GABPB1: variants seen among roughly 807,000 people sequenced by gnomAD.
The protein encoded by GABPB1 is GA-binding protein subunit beta-1.
In GABPB1, 15 loss-of-function variants were observed where a neutral mutation model predicts 45.9. The observed-to-expected ratio is 0.33, with a 90% CI of 0.22 to 0.50. The LOEUF (loss-of-function observed/expected upper bound fraction) is 0.50. Among genes scored for constraint, GABPB1 ranks in the 20% least tolerant of loss-of-function variants. GABPB1 has a pLI of 0.98. For missense variants in GABPB1, 252 were observed against 457.5 expected, an observed-to-expected ratio of 0.55 and a Z score of 4.10; for synonymous variants, 143 against 154.4, an observed-to-expected ratio of 0.93 and a Z score of 0.55.
chr15:50,311,822 G>A (rs2047139374), intron 1 of GABPB1, among the ~76,000 whole-genome samples: 1 of 152,056 alleles, frequency 6.6e-6, no homozygotes, highest in Admixed American at 6.6e-5. Context: ...AAATCTAAAA[G>A]GGGTAATTAT....
At chr15:50,351,037 G>C (rs537525712) in intron 1 of GABPB1, 1 of 152,220 alleles carries the variant, frequency 6.6e-6, no homozygotes, top group South Asian at 2.1e-4. Flanking sequence ...TTGACACTTA[G>C]GTGTCTACCA....
intron 1 of GABPB1, among the ~76,000 whole-genome samples, chr15:50,310,525 G>A (rs956166216): frequency 6.6e-6 from 1 of 152,130 alleles, no homozygotes; most frequent in South Asian, 2.1e-4. Flanking sequence ...ACTAAACTTA[G>A]CATAAATTTT....
intron 6 of GABPB1, among the ~76,000 whole-genome samples, chr15:50,296,083 T>C (rs1414174959): frequency 2.0e-5 from 3 of 152,156 alleles, no homozygotes; most frequent in Non-Finnish European, 4.4e-5. Flanking sequence ...CTGAGTGAAA[T>C]GGCATGGTAC....
At chr15:50,333,232 G>A (rs1178030440) in intron 1 of GABPB1, among the ~76,000 whole-genome samples, 2 of 152,162 alleles carry the variant, frequency 1.3e-5, no homozygotes. Flanking sequence ...CTGTAGGACT[G>A]AGGTGGGAGA....
At chr15:50,354,506 A>G (rs1333930787) in intron 1 of GABPB1, 4 of 449,128 alleles carry the variant, frequency 8.9e-6, no homozygotes, top group South Asian at 6.3e-5. Flanking sequence ...CGGGGCCGTC[A>G]GGCTGCCGAG....
intron 8 of GABPB1, 28 bp from the exon 9 acceptor site, chr15:50,278,812 T>TG: frequency 1.9e-6 from 3 of 1,561,912 alleles, no homozygotes; most frequent in Non-Finnish European, 2.6e-6. Context: ...GTTTTTTTTT[T>TG]AATTTTTGCA....
intron 1 of GABPB1, among the ~76,000 whole-genome samples, chr15:50,314,915 G>A (rs2047263074): frequency 6.6e-6 from 1 of 152,150 alleles, no homozygotes; most frequent in Non-Finnish European, 1.5e-5. Context: ...CCAATATCAC[G>A]TATCAATCAG....
At chr15:50,278,917 C>A (rs927347732) in intron 8 of GABPB1, 133 bp from the exon 9 acceptor site, 1 of 630,922 alleles carries the variant, frequency 1.6e-6, no homozygotes. Context: ...ATTTCCTAGA[C>A]ATCTTGCCTT....
At chr15:50,336,300 G>A (rs1400831983) in intron 1 of GABPB1, among the ~76,000 whole-genome samples, 1 of 146,108 alleles carries the variant, frequency 6.8e-6, no homozygotes, top group Non-Finnish European at 1.5e-5. Context: ...GTTGCAGTAA[G>A]CCAAGATCAC....
chr15:50,282,274 A>G (rs951492945), intron 8 of GABPB1: 2 of 454,922 alleles, frequency 4.4e-6, no homozygotes, highest in African/African-American at 4.0e-5. Flanking sequence ...GAGAAGAGAT[A>G]TGACCTGGAT....
At chr15:50,279,858 G>A (rs1211902080) in intron 8 of GABPB1, among the ~76,000 whole-genome samples, 3 of 152,160 alleles carry the variant, frequency 2.0e-5, no homozygotes, top group East Asian at 1.9e-4. Context: ...GTGGTTGGCC[G>A]ACCACTGGGG....
chr15:50,340,415 T>C (rs2048308368), intron 1 of GABPB1, among the ~76,000 whole-genome samples: 1 of 152,140 alleles, frequency 6.6e-6, no homozygotes, highest in South Asian at 2.1e-4. Context: ...CAGAAATGTA[T>C]ACATTGAAAA....
At chr15:50,337,870 G>C (rs2048203205) in intron 1 of GABPB1, among the ~76,000 whole-genome samples, 1 of 152,076 alleles carries the variant, frequency 6.6e-6, no homozygotes, top group Non-Finnish European at 1.5e-5. Context: ...ACATTTATTT[G>C]CAAGTATGTG....
chr15:50,302,747 T>A (rs569374312), intron 4 of GABPB1, among the ~76,000 whole-genome samples, 182 bp downstream of exon 4: 24 of 150,408 alleles, frequency 1.6e-4, no homozygotes, highest in African/African-American at 5.4e-4. Flanking sequence ...ACTGGCCTTA[T>A]AATCAAGAAA....
intron 6 of GABPB1, among the ~76,000 whole-genome samples, chr15:50,291,250 T>A (rs1250929093): frequency 1.3e-5 from 2 of 152,160 alleles, no homozygotes; most frequent in African/African-American, 2.4e-5. Flanking sequence ...CTATAAACAT[T>A]TCTGTACATT....
intron 1 of GABPB1, among the ~76,000 whole-genome samples, chr15:50,310,443 T>C (rs556337488): frequency 1.3e-5 from 2 of 152,334 alleles, no homozygotes; most frequent in Non-Finnish European, 2.9e-5. Flanking sequence ...ACTGGAGGGT[T>C]TGCAGCAATA....
chr15:50,283,894 GTA>G (rs1336221118), intron 8 of GABPB1, among the ~76,000 whole-genome samples: 2 of 152,150 alleles, frequency 1.3e-5, no homozygotes, highest in Non-Finnish European at 2.9e-5. Context: ...ATTAGATTTT[GTA>G]TAGAGTTAAT....
intron 1 of GABPB1, among the ~76,000 whole-genome samples, chr15:50,322,914 A>G (rs932200886): frequency 6.6e-6 from 1 of 152,096 alleles, no homozygotes; most frequent in Non-Finnish European, 1.5e-5. Flanking sequence ...CTGTAGTCCC[A>G]ACTACTTCGG....
At chr15:50,353,011 T>C (rs1204909334) in intron 1 of GABPB1, 1 of 152,250 alleles carries the variant, frequency 6.6e-6, no homozygotes, top group African/African-American at 2.4e-5. Context: ...CAGAATTAAT[T>C]TTCTGTAAAA....
Sources: gnomAD v4.1 joint callset for allele counts (sites outside exome capture counted in the v4.1 genomes callset) on GRCh38, gnomAD v4.1.1 for gene constraint, MANE v1.5 for transcripts, NCBI Gene and HGNC (gene_info 2026-07-23, HGNC 2026-07-21) for gene names.